LOC128462377: variants seen among roughly 807,000 people sequenced by gnomAD.
At chr16:89,409,894 T>C in the LOC128462377 span, among the ~76,000 whole-genome samples, 88,575 of 151,884 alleles carry the variant, frequency 0.58, 26,042 homozygotes, top group Middle Eastern at 0.73. Context: ...GGCTGGAGTG[T>C]AGTGGCACAA....
chr16:89,410,712 C>T, the LOC128462377 span, among the ~76,000 whole-genome samples: 1 of 152,222 alleles, frequency 6.6e-6, no homozygotes, highest in Admixed American at 6.5e-5. Flanking sequence ...GTCAACGATA[C>T]CAAAAGCTAT....
the LOC128462377 span, among the ~76,000 whole-genome samples, chr16:89,322,459 G>T: frequency 1.3e-5 from 2 of 152,234 alleles, no homozygotes; most frequent in African/African-American, 4.8e-5. Flanking sequence ...CCTGAGAAGG[G>T]ATGTGATTCA....
chr16:89,400,784 C>G, the LOC128462377 span, among the ~76,000 whole-genome samples: 3 of 146,428 alleles, frequency 2.0e-5, no homozygotes, highest in Non-Finnish European at 3.0e-5. Context: ...CTTCCCTGCG[C>G]TGGGGGCCGG....
chr16:89,393,308 A>AT, the LOC128462377 span, among the ~76,000 whole-genome samples: 46 of 145,240 alleles, frequency 3.2e-4, no homozygotes, highest in African/African-American at 1.2e-3. Flanking sequence ...TACTTTTTTT[A>AT]TTTTTATTTT....
the LOC128462377 span, among the ~76,000 whole-genome samples, chr16:89,387,555 C>A: frequency 6.6e-6 from 1 of 150,996 alleles, no homozygotes. Context: ...CGCCTGTACT[C>A]CCAGCTACTC....
the LOC128462377 span, among the ~76,000 whole-genome samples, chr16:89,332,632 T>A: frequency 3.3e-5 from 5 of 152,240 alleles, no homozygotes; most frequent in African/African-American, 1.2e-4. Context: ...ATCATCACTG[T>A]AATGGCTTTA....
At chr16:89,367,044 G>A in the LOC128462377 span, among the ~76,000 whole-genome samples, 1 of 152,160 alleles carries the variant, frequency 6.6e-6, no homozygotes, top group African/African-American at 2.4e-5. Context: ...CCCAGCCACG[G>A]CTCCTTCTGC....
the LOC128462377 span, among the ~76,000 whole-genome samples, chr16:89,351,118 G>C: frequency 6.6e-6 from 1 of 152,222 alleles, no homozygotes; most frequent in Non-Finnish European, 1.5e-5. Flanking sequence ...AGCTCTCAGA[G>C]AGAATGCACG....
chr16:89,342,041 G>A, the LOC128462377 span, among the ~76,000 whole-genome samples: 21,557 of 66,890 alleles, frequency 0.32, 6,150 homozygotes, highest in Non-Finnish European at 0.42. Flanking sequence ...TGCCCACAGC[G>A]GCCACGGCCC....
the LOC128462377 span, among the ~76,000 whole-genome samples, chr16:89,371,623 C>T: frequency 6.6e-6 from 1 of 152,172 alleles, no homozygotes; most frequent in African/African-American, 2.4e-5. Flanking sequence ...ACTCCCTGCC[C>T]ACATGACGAC....
At chr16:89,325,992 C>T in the LOC128462377 span, among the ~76,000 whole-genome samples, 2 of 152,248 alleles carry the variant, frequency 1.3e-5, no homozygotes, top group African/African-American at 4.8e-5. Flanking sequence ...AGGGCACCCA[C>T]TGCAGAGTGC....
At chr16:89,414,494 T>A in the LOC128462377 span, among the ~76,000 whole-genome samples, 2 of 152,240 alleles carry the variant, frequency 1.3e-5, no homozygotes, top group African/African-American at 4.8e-5. Flanking sequence ...ACTACTTTTA[T>A]ACTGGAGAAA....
chr16:89,409,984 C>T, the LOC128462377 span, among the ~76,000 whole-genome samples: 1 of 152,058 alleles, frequency 6.6e-6, no homozygotes, highest in African/African-American at 2.4e-5. Context: ...GGACTACAGG[C>T]GCCCGCCACC....
At chr16:89,373,963 C>G in the LOC128462377 span, among the ~76,000 whole-genome samples, 2,148 of 152,344 alleles carry the variant, frequency 0.014, 47 homozygotes, top group African/African-American at 0.05. Context: ...GGGGCCCTGG[C>G]CCACTCGACA....
At chr16:89,358,689 C>G in the LOC128462377 span, among the ~76,000 whole-genome samples, 2 of 152,218 alleles carry the variant, frequency 1.3e-5, no homozygotes, top group Non-Finnish European at 2.9e-5. Flanking sequence ...CAGTGACAAC[C>G]CACAAGCTGC....
chr16:89,379,367 C>CG, the LOC128462377 span, among the ~76,000 whole-genome samples: 1 of 152,192 alleles, frequency 6.6e-6, no homozygotes, highest in African/African-American at 2.4e-5. Context: ...TACCAGTGAA[C>CG]GGGGCTTTCA....
At chr16:89,361,018 C>A in the LOC128462377 span, among the ~76,000 whole-genome samples, 1 of 152,192 alleles carries the variant, frequency 6.6e-6, no homozygotes, top group Admixed American at 6.5e-5. Flanking sequence ...ACACAGTGAA[C>A]GACTCCAAAC....
At chr16:89,337,710 G>C in the LOC128462377 span, among the ~76,000 whole-genome samples, 1 of 152,102 alleles carries the variant, frequency 6.6e-6, no homozygotes, top group Non-Finnish European at 1.5e-5. Context: ...AAAGTGCTGG[G>C]ATTACAGGCG....
the LOC128462377 span, among the ~76,000 whole-genome samples, chr16:89,412,906 G>A: frequency 1.3e-5 from 2 of 152,132 alleles, no homozygotes; most frequent in East Asian, 3.9e-4. Flanking sequence ...GGACAGCAGA[G>A]GTCACAGGTC....
Sources: allele counts gnomAD v4.1 joint callset (sites outside exome capture counted in the v4.1 genomes callset), GRCh38; gene constraint gnomAD v4.1.1; transcripts MANE v1.5.